SLC2A10: variants seen among roughly 807,000 people sequenced by gnomAD.
The protein encoded by SLC2A10 is solute carrier family 2, facilitated glucose transporter member 10.
Under a neutral mutation model 32.1 loss-of-function variants are expected in SLC2A10, and 25 were observed. That is an observed-to-expected ratio of 0.78 (90% CI 0.57 to 1.09). The LOEUF (loss-of-function observed/expected upper bound fraction) is 1.09. Among genes scored for constraint, SLC2A10 ranks in the 50% least tolerant of loss-of-function variants. The pLI is 0.00. For missense variants in SLC2A10, 673 were observed against 686.5 expected (o/e 0.98, Z 0.22); for synonymous variants, 332 against 309.6 (o/e 1.07, Z -0.76).
Position 46,734,779 on chromosome 20 carries a change from G to A in SLC2A10, c.*945G>A, listed in dbSNP as rs774495448. The A allele has an allele frequency of 2.0e-5, 3 of 152,594 alleles. No individual in the cohort carries two copies. The highest frequency in any genetic ancestry group is 4.4e-5 in the Non-Finnish European group (3 of 68,050). 9.5% of individuals were successfully genotyped at this position (152,594 alleles called of 1,614,324 possible). A position where few individuals can be genotyped will look rare whatever the true frequency, so the allele number is the denominator to read the frequency against. On this transcript the variant is annotated 3_prime_UTR_variant, in exon 5 of 5. Transcript: ENST00000359271. ...AGATTTCTCCTGACTCCAGTGAGCT[G>A]GAATTCTAAATGCTGGTCTAGGAGC...
Position 46,734,991 on chromosome 20 carries a change from T to G in SLC2A10, c.*1157T>G, listed in dbSNP as rs1475177424. The G allele has an allele frequency of 6.6e-6, 1 of 152,656 alleles. No individual in the cohort carries two copies. Among genetic ancestry groups the G allele is most frequent in the Non-Finnish European group, 1.5e-5 (1 of 68,050 alleles). The allele number at this position is 152,656 out of a possible 1,614,324, so 9.5% of individuals were successfully genotyped here. A position where few individuals can be genotyped will look rare whatever the true frequency, so the allele number is the denominator to read the frequency against. ...ATGTCCCAGGGGTATATTTAGACCCTGTTTCCTTTCAGGAGGGTCCCCAGC... is the reference window on the plus strand; with the variant it reads ...ATGTCCCAGGGGTATATTTAGACCCGGTTTCCTTTCAGGAGGGTCCCCAGC... On this transcript the variant is annotated 3_prime_UTR_variant, in exon 5 of 5. Coordinates refer to ENST00000359271, the MANE Select transcript of SLC2A10 (RefSeq NM_030777.4).
At chr20:46,729,525 G>A in intron 4 of SLC2A10, 37 bp downstream of exon 4, 2 of 1,602,648 alleles carry the variant, frequency 1.2e-6, no homozygotes, top group South Asian at 2.2e-5. Context: ...GGGAAGAGCT[G>A]TAGCACACCC....
Position 46,734,285 on chromosome 20 carries a change from A to G in SLC2A10, c.*451A>G. The stretch of plus-strand genomic sequence containing the variant: ...TCGGAAGGGGGAAGTCTCTTTTTTT[A>G]CTCTTATCATTTTTTTTTTTTGAGG... On this transcript the variant is annotated 3_prime_UTR_variant, in exon 5 of 5. Coordinates refer to ENST00000359271, the MANE Select transcript of SLC2A10 (RefSeq NM_030777.4). 5.5e-6 allele frequency: 1 copy of G among 181,648 alleles called. No individual in the cohort carries two copies. Among genetic ancestry groups the G allele is most frequent in the Non-Finnish European group, 1.1e-5 (1 of 91,206 alleles). The allele number at this position is 181,648 out of a possible 1,614,324, so 11.3% of individuals were successfully genotyped here. A position where few individuals can be genotyped will look rare whatever the true frequency, so the allele number is the denominator to read the frequency against.
At chr20:46,731,098 C>T (rs891506157) in intron 4 of SLC2A10, among the ~76,000 whole-genome samples, 1 of 152,152 alleles carries the variant, frequency 6.6e-6, no homozygotes, top group Non-Finnish European at 1.5e-5. Context: ...GTTAGGAAAT[C>T]GATTTGGCTG....
upstream of SLC2A10, chr20:46,709,614 AG>A: frequency 7.9e-7 from 1 of 1,273,150 alleles, no homozygotes; most frequent in Non-Finnish European, 1.1e-6. Context: ...AGGGCAGGGC[AG>A]GAGGGACAGA....
In SLC2A10 at chr20:46,735,818, C is replaced by T. The variant is rs1025043425; in HGVS notation, c.*1984C>T. The T allele has an allele frequency of 2.0e-5, 3 of 152,240 alleles. No homozygotes were observed. The highest frequency in any genetic ancestry group is 4.4e-5 in the Non-Finnish European group (3 of 68,046). The allele number at this position is 152,240 out of a possible 1,614,324, so 9.4% of individuals were successfully genotyped here. Reference sequence around the variant, plus strand: ...ACCAAAAAATGGAGGGATTATTCTTCCAGTAGTTGAACACTGTCATCCGTT... The same window carrying T: ...ACCAAAAAATGGAGGGATTATTCTTTCAGTAGTTGAACACTGTCATCCGTT... On this transcript the variant is annotated 3_prime_UTR_variant, in exon 5 of 5. Coordinates refer to ENST00000359271, the MANE Select transcript of SLC2A10 (RefSeq NM_030777.4).
rs745895925 is a variant in SLC2A10, at chr20:46,725,820, G to A, written c.784G>A (p.Gly262Ser). The change falls in exon 2 of 5, where the codon GGT (glycine) becomes AGT (serine). Residue 262 changes from glycine to serine, a missense_variant. By Grantham distance (56) the Gly-to-Ser change is moderately conservative. Transcript: ENST00000359271. ...TGCCTCCACCATCTTCAGCTCCGTT[G>A]GTTTCCATGGGGGATCCTCAGCCGT... is the stretch of plus-strand genomic sequence containing the variant. ...CYASTIFSSVGFHGGSSAVLA... is the reference protein window; with the variant it reads ...CYASTIFSSVSFHGGSSAVLA... 2 of 1,614,140 alleles carry A rather than the reference G, an allele frequency of 1.2e-6. No homozygotes were observed. Among genetic ancestry groups the A allele is most frequent in the East Asian group, 4.5e-5 (2 of 44,896 alleles).
rs773252731 is a variant in SLC2A10 at position 46,725,515 on chromosome 20, C to G, written c.479C>G (p.Thr160Ser). 3 of 1,614,150 alleles carry G rather than the reference C, an allele frequency of 1.9e-6. No homozygotes were observed. The highest frequency in any genetic ancestry group is 2.2e-5 in the South Asian group (2 of 91,078). ...GCCCTCAACTATGCACTGGCTGGTA[C>G]CCCCTGGGGATGGAGGCACATGTTC... ...SYALNYALAG[T>S]PWGWRHMFGW... The change falls in exon 2 of 5, where the codon ACC becomes AGC. Residue 160 changes from threonine to serine, a missense_variant. Thr to Ser is a moderately conservative substitution (Grantham distance 58). Coordinates refer to ENST00000359271, the MANE Select transcript of SLC2A10 (RefSeq NM_030777.4).
intron 1 of SLC2A10, among the ~76,000 whole-genome samples, chr20:46,716,074 A>T (rs1413906502): frequency 6.6e-6 from 1 of 151,774 alleles, no homozygotes. Context: ...ACCTTAAGTG[A>T]GTTGCTTTAC....
chr20:46,727,066 T>G (rs1980015665), intron 3 of SLC2A10, 80 bp downstream of exon 3: 2 of 1,534,666 alleles, frequency 1.3e-6, no homozygotes, highest in South Asian at 2.2e-5. Context: ...TGGATTTTCC[T>G]ATGTATTAGC....
chr20:46,727,811 C>G (rs1013096612), intron 3 of SLC2A10, among the ~76,000 whole-genome samples: 1 of 152,204 alleles, frequency 6.6e-6, no homozygotes, highest in Admixed American at 6.5e-5. Context: ...CCAGAGTACA[C>G]AGGCTCCTTC....
intron 2 of SLC2A10, among the ~76,000 whole-genome samples, chr20:46,726,586 A>G (rs1979976401): frequency 6.6e-6 from 1 of 152,192 alleles, no homozygotes; most frequent in Non-Finnish European, 1.5e-5. Flanking sequence ...ATAGCTCACA[A>G]CTGGAAGGAA....
At chr20:46,714,790 A>G (rs1384022852) in intron 1 of SLC2A10, among the ~76,000 whole-genome samples, 3 of 152,244 alleles carry the variant, frequency 2.0e-5, no homozygotes, top group East Asian at 3.9e-4. Flanking sequence ...TGGAAAGGGA[A>G]TGTTCTTCCT....
chr20:46,711,951 A>C (rs1978938759), intron 1 of SLC2A10, among the ~76,000 whole-genome samples: 2 of 152,130 alleles, frequency 1.3e-5, no homozygotes, highest in South Asian at 4.2e-4. Flanking sequence ...TTTATATTGC[A>C]CCCAATATTG....
intron 3 of SLC2A10, among the ~76,000 whole-genome samples, chr20:46,728,891 C>T (rs1980125253): frequency 6.6e-6 from 1 of 152,014 alleles, no homozygotes. Context: ...TCCCAAAGTG[C>T]TGAGATTACA....
At position 46,725,414 on chromosome 20, in the gene SLC2A10, G is replaced by C. The variant is rs772492060; in HGVS notation, c.378G>C (p.Leu126=). Reference sequence around the variant, plus strand: ...CTTGCTGTATCTACGTGTCAGAGCTGGTGGGGCCACGGCAGCGGGGAGTGC... The same window carrying C: ...CTTGCTGTATCTACGTGTCAGAGCTCGTGGGGCCACGGCAGCGGGGAGTGC... ...SMACCIYVSE[L]VGPRQRGVLV... The change falls in exon 2 of 5, where the codon CTG becomes CTC. Residue 126 remains leucine (L), a synonymous_variant. Coordinates refer to ENST00000359271, the MANE Select transcript of SLC2A10 (RefSeq NM_030777.4). 6.2e-7 allele frequency: 1 copy of C among 1,614,174 alleles called. No homozygotes were observed. The highest frequency in any genetic ancestry group is 2.2e-5 in the East Asian group (1 of 44,876).
intron 1 of SLC2A10, among the ~76,000 whole-genome samples, chr20:46,711,106 G>A (rs186336261): frequency 9.6e-4 from 146 of 152,182 alleles, no homozygotes; most frequent in Non-Finnish European, 1.6e-3. Flanking sequence ...TCCTGACCTC[G>A]TGATCCGGCT....
intron 1 of SLC2A10, 103 bp from the exon 2 acceptor site, chr20:46,724,938 G>A: frequency 6.8e-7 from 1 of 1,469,744 alleles, no homozygotes; most frequent in Non-Finnish European, 9.4e-7. Flanking sequence ...TGGAGTAGAT[G>A]GATGGATAAA....
At chr20:46,717,947 C>G (rs755537908) in intron 1 of SLC2A10, among the ~76,000 whole-genome samples, 1 of 152,146 alleles carries the variant, frequency 6.6e-6, no homozygotes. Flanking sequence ...GACTGCCATG[C>G]ATGGTGACTC....
Sources: gnomAD v4.1 joint callset for allele counts (sites outside exome capture counted in the v4.1 genomes callset) on GRCh38, gnomAD v4.1.1 for gene constraint, MANE v1.5 for transcripts, NCBI Gene and HGNC (gene_info 2026-07-23, HGNC 2026-07-21) for gene names.